Variants in SPATA3 observed in about 807,000 individuals in gnomAD.
SPATA3 encodes spermatogenesis associated 3, also known as spermatogenesis-associated protein 3.
In SPATA3, 6 loss-of-function variants were observed where a neutral mutation model predicts 5.7. That is an observed-to-expected ratio of 1.06 (90% CI 0.58 to 2.09). The LOEUF is 2.09. Ranked by LOEUF, SPATA3 falls within the 30% of genes most tolerant of loss-of-function variation. SPATA3 has a pLI of 0.00. For synonymous variants in SPATA3, 44 were observed against 48.4 expected (o/e 0.91, Z 0.37); for missense variants, 155 against 130.4 (o/e 1.19, Z -0.92).
chr2:231,004,732 T>C (rs566424398), downstream of SPATA3, among the ~76,000 whole-genome samples: 26 of 152,222 alleles, frequency 1.7e-4, 1 homozygote, highest in South Asian at 5.4e-3. Flanking sequence ...GCCTCTTCAA[T>C]ACCCAGTATT....
At chr2:231,016,600 A>G (rs1288638359) in intron 6 of SPATA3, among the ~76,000 whole-genome samples, 2 of 151,980 alleles carry the variant, frequency 1.3e-5, no homozygotes. Flanking sequence ...CAGGAAAATC[A>G]TGTGAACTTG....
downstream of SPATA3, among the ~76,000 whole-genome samples, chr2:231,010,311 C>A (rs1169290276): frequency 6.6e-6 from 1 of 152,192 alleles, no homozygotes; most frequent in East Asian, 1.9e-4. Context: ...TAGGACTGGA[C>A]AAAAGGGTCG....
chr2:231,002,803 A>G, downstream of SPATA3: 1 of 1,458,770 alleles, frequency 6.9e-7, no homozygotes, highest in Non-Finnish European at 9.1e-7. Flanking sequence ...CTTGTGAACA[A>G]GCCCCTAGGC....
chr2:230,996,655 G>A lies in SPATA3; in HGVS notation c.791-3711G>A, dbSNP rs1692135189. 6.2e-6 allele frequency: 8 copies of A among 1,297,392 alleles called. No homozygotes were observed. The South Asian group carries it at 9.3e-5, about 15-fold the overall frequency. 80.4% of individuals were successfully genotyped at this position (1,297,392 alleles called of 1,614,324 possible). On this transcript the variant is annotated intron_variant, in intron 1 of 2. Transcript: ENST00000645363. ...TTAACGTGTATCCTGGAGCTGTGCTGTAGAGTGGGAAGGTTTTTGTTTTTG... is the reference window on the plus strand; with the variant it reads ...TTAACGTGTATCCTGGAGCTGTGCTATAGAGTGGGAAGGTTTTTGTTTTTG...
At chr2:231,005,577 CCAT>C (rs202142388), downstream of SPATA3, among the ~76,000 whole-genome samples, 78 of 21,614 alleles carry the variant, frequency 3.6e-3, 17 homozygotes, top group East Asian at 6.8e-3. Flanking sequence ...ATCATCATCA[CCAT>C]CATCATCCTC....
At chr2:231,005,596 C>G (rs1692594409), downstream of SPATA3, among the ~76,000 whole-genome samples, 1 of 123,442 alleles carries the variant, frequency 8.1e-6, no homozygotes, top group Non-Finnish European at 1.8e-5. Flanking sequence ...TCCTCACCAT[C>G]ACCATCATCA....
downstream of SPATA3, among the ~76,000 whole-genome samples, chr2:231,004,475 T>C (rs1692463925): frequency 6.6e-6 from 1 of 152,150 alleles, no homozygotes; most frequent in African/African-American, 2.4e-5. Context: ...TTTCTTAATT[T>C]CTCTGACAGT....
At chr2:231,000,345 T>A in intron 1 of SPATA3, 21 bp from the exon 2 acceptor site, 3 of 1,443,150 alleles carry the variant, frequency 2.1e-6, no homozygotes, top group Non-Finnish European at 2.8e-6. Flanking sequence ...CTCCCTCACC[T>A]CTCTCCTTCT....
chr2:231,005,466 C>T (rs200038144), downstream of SPATA3, among the ~76,000 whole-genome samples: 10 of 10,442 alleles, frequency 9.6e-4, no homozygotes, highest in East Asian at 5.3e-3. Flanking sequence ...ACCACCACCA[C>T]CACCATCATC....
chr2:231,019,260 T>C (rs147207436), intron 6 of SPATA3, among the ~76,000 whole-genome samples: 3,703 of 145,390 alleles, frequency 0.025, 149 homozygotes, highest in East Asian at 0.22. Context: ...TGAGCCACCG[T>C]GCCAGGCCTC....
At chr2:231,005,738 C>T (rs1450230775), downstream of SPATA3, among the ~76,000 whole-genome samples, 1 of 152,052 alleles carries the variant, frequency 6.6e-6, no homozygotes, top group Non-Finnish European at 1.5e-5. Flanking sequence ...TTACAACCAT[C>T]ACCCTTGGAG....
At chr2:231,018,786 A>G (rs569827968) in intron 6 of SPATA3, among the ~76,000 whole-genome samples, 23 of 150,474 alleles carry the variant, frequency 1.5e-4, no homozygotes, top group African/African-American at 5.6e-4. Context: ...CCCAGGTTCA[A>G]GCATTCTCCT....
intron 1 of SPATA3, among the ~76,000 whole-genome samples, chr2:230,997,235 A>G (rs548630737): frequency 6.6e-6 from 1 of 152,304 alleles, no homozygotes; most frequent in African/African-American, 2.4e-5. Context: ...GTGATAGTGA[A>G]TAAGTTTCAT....
chr2:230,998,103 G>A (rs1320035724), intron 1 of SPATA3, among the ~76,000 whole-genome samples: 2 of 152,274 alleles, frequency 1.3e-5, no homozygotes, highest in East Asian at 1.9e-4. Context: ...ATCTCTGTCC[G>A]AGCATCTCCT....
intron 5 of SPATA3, among the ~76,000 whole-genome samples, chr2:231,013,603 G>T (rs1392590759): frequency 6.6e-6 from 1 of 151,862 alleles, no homozygotes; most frequent in Non-Finnish European, 1.5e-5. Context: ...CGATTCTCCT[G>T]CCTCAGCCTC....
At chr2:230,997,739 T>C (rs1177879134) in intron 1 of SPATA3, among the ~76,000 whole-genome samples, 2 of 152,182 alleles carry the variant, frequency 1.3e-5, no homozygotes, top group African/African-American at 4.8e-5. Context: ...GTATAAGCAT[T>C]GGATTGTGTA....
downstream of SPATA3, chr2:231,007,415 T>C (rs185625203): frequency 4.6e-5 from 7 of 152,358 alleles, no homozygotes; most frequent in Admixed American, 4.6e-4. Context: ...CTGTCATTCC[T>C]GTTCAGGGCC....
downstream of SPATA3, among the ~76,000 whole-genome samples, chr2:231,011,072 CAAAAAAAAA>C (rs556496371): frequency 1.3e-5 from 1 of 79,870 alleles, no homozygotes; most frequent in African/African-American, 5.9e-5. Flanking sequence ...GACCCTGTCT[CAAAAAAAAA>C]AAAAAAAAGA....
intron 1 of SPATA3, 128 bp downstream of exon 1, chr2:230,996,662 G>T: frequency 7.9e-7 from 1 of 1,271,686 alleles, no homozygotes. Context: ...GCTGTAGAGT[G>T]GGAAGGTTTT....
Sources: gnomAD v4.1 joint callset for allele counts (sites outside exome capture counted in the v4.1 genomes callset) on GRCh38, gnomAD v4.1.1 for gene constraint, MANE v1.5 for transcripts, NCBI Gene and HGNC (gene_info 2026-07-23, HGNC 2026-07-21) for gene names.